The following NLGN4X variants were observed in gnomAD, a reference collection of about 807,000 sequenced individuals.
NLGN4X encodes the protein neuroligin 4 X-linked, also known as neuroligin-4, X-linked.
Under a neutral mutation model 40.3 loss-of-function variants are expected in NLGN4X, and 3 were observed. The ratio of observed to expected loss-of-function variants is 0.07; its 90% CI spans 0.03 to 0.19. NLGN4X has a LOEUF of 0.19. Ranked by LOEUF, NLGN4X falls within the 10% of genes least tolerant of loss-of-function variation. The probability of loss-of-function intolerance (pLI) is 1.00; values close to 1 mark genes in which losing one functional copy is unlikely to be tolerated. For synonymous variants in NLGN4X, 270 were observed against 306.8 expected, an observed-to-expected ratio of 0.88 and a Z score of 1.25; for missense variants, 382 against 708.3, an observed-to-expected ratio of 0.54 and a Z score of 5.23.
intron 2 of NLGN4X, among the ~76,000 whole-genome samples, chrX:6,086,931 G>A (rs2038511709): frequency 9.0e-6 from 1 of 111,637 alleles, no homozygotes; most frequent in Admixed American, 9.5e-5. Flanking sequence ...ACCACACCCG[G>A]CTCATGCAAC....
chrX:5,905,853 C>T (rs753953983), intron 4 of NLGN4X, among the ~76,000 whole-genome samples: 72 of 111,367 alleles, frequency 6.5e-4, no homozygotes, highest in Admixed American at 6.3e-3. Context: ...GACGGGGTTT[C>T]GCCATGTTGT....
intron 3 of NLGN4X, among the ~76,000 whole-genome samples, chrX:5,956,265 GTATATT>G (rs1243619400): frequency 9.2e-6 from 1 of 108,356 alleles, no homozygotes; most frequent in Non-Finnish European, 1.9e-5. Flanking sequence ...AAAAATGCAT[GTATATT>G]TATATTTATA....
chrX:6,170,035 C>T (rs1163463839), intron 1 of NLGN4X, among the ~76,000 whole-genome samples: 55 of 108,617 alleles, frequency 5.1e-4, no homozygotes, highest in African/African-American at 1.9e-3. Flanking sequence ...GAAACAGGGT[C>T]TCACTCTGTT....
At chrX:6,052,791 A>ACAG (rs1485929928) in intron 2 of NLGN4X, among the ~76,000 whole-genome samples, 6 of 112,632 alleles carry the variant, frequency 5.3e-5, no homozygotes, top group Admixed American at 3.8e-4. Context: ...CAGAATGGGC[A>ACAG]CAGCAGCACA....
chrX:5,898,065 G>A (rs1315642011), intron 5 of NLGN4X, among the ~76,000 whole-genome samples: 2 of 80,671 alleles, frequency 2.5e-5, no homozygotes, highest in African/African-American at 5.0e-5. Flanking sequence ...TCCTTCCCTC[G>A]CTACTTTCCT....
chrX:6,186,113 A>G lies in NLGN4X; in HGVS notation c.-305-34342T>C, dbSNP rs188016577. Among the ~76,000 whole-genome samples, 135 of 112,514 alleles carry G rather than the reference A, an allele frequency of 1.2e-3. 1 individual carries two copies. The Admixed American group carries it at 0.012, about 10-fold the overall frequency. On this transcript the variant is annotated intron_variant, in intron 1 of 5. Transcript: ENST00000381095. ...TAATTTAAAATGTATGCACGGATGCATTAACTCATAGGCCCAAGATGATCA... is the reference window on the plus strand; with the variant it reads ...TAATTTAAAATGTATGCACGGATGCGTTAACTCATAGGCCCAAGATGATCA...
At chrX:5,940,775 C>A (rs888670315) in intron 3 of NLGN4X, among the ~76,000 whole-genome samples, 1 of 110,148 alleles carries the variant, frequency 9.1e-6, no homozygotes, top group Non-Finnish European at 1.9e-5. Context: ...CTTGAAAAGT[C>A]TGCCTGACAT....
At chrX:5,917,952 T>C (rs1024051686) in intron 3 of NLGN4X, among the ~76,000 whole-genome samples, 1 of 111,909 alleles carries the variant, frequency 8.9e-6, no homozygotes, top group Non-Finnish European at 1.9e-5. Context: ...ATCTGCTTAC[T>C]AAGTGTTTAT....
At chrX:5,991,507 G>T in intron 3 of NLGN4X, 1 of 519,918 alleles carries the variant, frequency 1.9e-6, no homozygotes, top group Non-Finnish European at 3.5e-6. Flanking sequence ...GTTTCCATGA[G>T]CCAGTGTGTT....
intron 2 of NLGN4X, among the ~76,000 whole-genome samples, chrX:6,110,372 CAAGA>C (rs2039121755): frequency 9.0e-6 from 1 of 110,938 alleles, no homozygotes; most frequent in Non-Finnish European, 1.9e-5. Flanking sequence ...GTACCCCTTG[CAAGA>C]AAGAAATTTG....
intron 2 of NLGN4X, among the ~76,000 whole-genome samples, chrX:6,067,106 C>A (rs1455927486): frequency 3.2e-5 from 2 of 62,690 alleles, no homozygotes; most frequent in Admixed American, 1.7e-4. Flanking sequence ...GAGATACAGT[C>A]CCCCCCCCAA....
intron 3 of NLGN4X, among the ~76,000 whole-genome samples, chrX:6,023,241 G>A (rs2036599789): frequency 8.9e-6 from 1 of 111,804 alleles, no homozygotes; most frequent in African/African-American, 3.3e-5. Flanking sequence ...TGCCATTGTT[G>A]TGGTTAATGC....
At chrX:6,036,608 GCGCACACA>G (rs1322942959) in intron 2 of NLGN4X, among the ~76,000 whole-genome samples, 45 of 75,660 alleles carry the variant, frequency 5.9e-4, no homozygotes, top group Non-Finnish European at 3.4e-4. Context: ...CTTGTGGCTG[GCGCACACA>G]CACACACACA....
intron 2 of NLGN4X, among the ~76,000 whole-genome samples, chrX:6,133,777 T>C (rs1022765978): frequency 8.1e-5 from 9 of 111,638 alleles, no homozygotes; most frequent in African/African-American, 2.9e-4. Context: ...ACTCTTCCAT[T>C]CATGTCTATA....
chrX:6,151,530 A>G lies in NLGN4X; in HGVS notation c.-64T>C, dbSNP rs1602325003. The G allele has an allele frequency of 3.0e-6, 3 of 1,002,666 alleles. No individual in the cohort carries two copies. Among genetic ancestry groups the G allele is most frequent in the East Asian group, 3.1e-5 (1 of 32,432 alleles). The allele number at this position is 1,002,666 out of a possible 1,213,427, so 82.6% of individuals were successfully genotyped here. ...ATGTGGCTCCAAGGAGACAAAGCCC[A>G]GAGGCGAGCCTGCAGAGAGATAGGG... On this transcript the variant is annotated 5_prime_UTR_variant, in exon 2 of 6. Coordinates refer to ENST00000381095, the MANE Select transcript of NLGN4X (RefSeq NM_181332.3).
rs57126739 is a variant in NLGN4X at position 6,032,225 on chromosome X, GCCC to G, written c.473-2796_473-2794del. ...GAAGAAAAAAAAAACTGATATTTCA[GCCC>G]CCCCCCCCCCAAAAAAAATTCTTCT... On this transcript the variant is annotated intron_variant, in intron 2 of 5. Coordinates refer to ENST00000381095, the MANE Select transcript of NLGN4X (RefSeq NM_181332.3). Among the ~76,000 whole-genome samples the G allele has an allele frequency of 4.1e-3, 289 of 70,992 alleles. 5 individuals carry two copies. The Middle Eastern group carries it at 0.044, about 11-fold the overall frequency. The allele number at this position is 70,992 out of a possible 115,157, so 61.6% of individuals were successfully genotyped here.
chrX:6,068,693 C>A (rs1003063888), intron 2 of NLGN4X, among the ~76,000 whole-genome samples: 3 of 112,110 alleles, frequency 2.7e-5, no homozygotes, highest in African/African-American at 9.7e-5. Context: ...GTCAGCAGAT[C>A]TAGGTGTGTC....
intron 3 of NLGN4X, among the ~76,000 whole-genome samples, chrX:5,964,913 C>G (rs1190947497): frequency 8.9e-6 from 1 of 112,130 alleles, no homozygotes; most frequent in Admixed American, 9.5e-5. Flanking sequence ...AAGAAGAGAA[C>G]CTCTTCTAGA....
At chrX:5,988,067 C>T (rs2035578267) in intron 3 of NLGN4X, among the ~76,000 whole-genome samples, 1 of 111,779 alleles carries the variant, frequency 8.9e-6, no homozygotes, top group African/African-American at 3.3e-5. Flanking sequence ...AGAGTTACAC[C>T]CTGTCTGCTT....
Sources: allele counts gnomAD v4.1 joint callset (sites outside exome capture counted in the v4.1 genomes callset), GRCh38; gene constraint gnomAD v4.1.1; transcripts MANE v1.5; gene names NCBI Gene and HGNC (gene_info 2026-07-23, HGNC 2026-07-21).